The following ADGRB3 variants were observed in gnomAD, a reference collection of about 807,000 sequenced individuals.
ADGRB3 encodes the protein brain-specific angiogenesis inhibitor 3.
In ADGRB3, 37 loss-of-function variants were observed where a neutral mutation model predicts 193.4. The observed-to-expected ratio is 0.19, with a 90% CI of 0.15 to 0.25. The LOEUF (loss-of-function observed/expected upper bound fraction) is 0.25. Among genes scored for constraint, ADGRB3 ranks in the 10% least tolerant of loss-of-function variants. The pLI is 1.00. For missense variants in ADGRB3, 1,637 were observed against 1,852.9 expected (o/e 0.88, Z 2.14); for synonymous variants, 690 against 644.2 (o/e 1.07, Z -1.08).
intron 4 of ADGRB3, 57 bp from the exon 5 acceptor site, chr6:68,936,462 C>A: frequency 6.5e-7 from 1 of 1,537,666 alleles, no homozygotes; most frequent in Non-Finnish European, 8.9e-7. Context: ...TGGTATAATG[C>A]TTACTAGATG....
At chr6:68,669,759 C>G (rs145776585) in intron 3 of ADGRB3, among the ~76,000 whole-genome samples, 1,920 of 151,908 alleles carry the variant, frequency 0.013, 20 homozygotes, top group Middle Eastern at 0.034. Context: ...GCTGATATCT[C>G]TTCGATGTAT....
intron 3 of ADGRB3, among the ~76,000 whole-genome samples, chr6:68,671,449 G>A (rs962857041): frequency 6.6e-6 from 1 of 151,878 alleles, no homozygotes; most frequent in Non-Finnish European, 1.5e-5. Context: ...AGTTTTCTGA[G>A]GGTTTTTATC....
intron 20 of ADGRB3, among the ~76,000 whole-genome samples, chr6:69,306,643 T>C (rs770253293): frequency 1.2e-4 from 18 of 151,560 alleles, no homozygotes; most frequent in Admixed American, 3.3e-4. Flanking sequence ...TATTTCTGAC[T>C]ACAGGTCATA....
At chr6:68,971,194 G>T (rs1033083998) in intron 8 of ADGRB3, among the ~76,000 whole-genome samples, 11 of 152,290 alleles carry the variant, frequency 7.2e-5, no homozygotes, top group Admixed American at 5.2e-4. Context: ...AATGACGTCT[G>T]TATTGAACAT....
chr6:69,345,545 A>C (rs912235611), intron 26 of ADGRB3, among the ~76,000 whole-genome samples: 1 of 152,188 alleles, frequency 6.6e-6, no homozygotes, highest in African/African-American at 2.4e-5. Flanking sequence ...CCTTCGATAA[A>C]ATTCAAAACC....
chr6:68,900,396 G>T (rs1382803746), intron 3 of ADGRB3, among the ~76,000 whole-genome samples: 2 of 152,104 alleles, frequency 1.3e-5, no homozygotes, highest in African/African-American at 4.8e-5. Context: ...GGGGCTCATA[G>T]GGAACATGAC....
intron 17 of ADGRB3, among the ~76,000 whole-genome samples, chr6:69,142,671 C>T (rs946776906): frequency 1.3e-5 from 2 of 152,128 alleles, no homozygotes; most frequent in Non-Finnish European, 2.9e-5. Context: ...ATGGGCAACC[C>T]GCTGATTAGT....
At chr6:69,008,584 G>A (rs1443771760) in intron 11 of ADGRB3, among the ~76,000 whole-genome samples, 3 of 152,076 alleles carry the variant, frequency 2.0e-5, no homozygotes, top group Non-Finnish European at 2.9e-5. Flanking sequence ...AGCAGCACTT[G>A]TACTACCAAA....
Position 69,281,275 on chromosome 6 carries a change from T to A in ADGRB3, c.2814+42049T>A, listed in dbSNP as rs1203833557. On this transcript the variant is annotated intron_variant, in intron 20 of 31. Transcript: ENST00000370598. ...GTACAACAGGGATAGACTATCAGGCTCTTGCCCACATTTATTAGAAAATTT... is the reference window on the plus strand; with the variant it reads ...GTACAACAGGGATAGACTATCAGGCACTTGCCCACATTTATTAGAAAATTT... Among the ~76,000 whole-genome samples the A allele has an allele frequency of 2.0e-5, 3 of 152,212 alleles. No homozygotes were observed. In the East Asian group the frequency reaches 5.8e-4, roughly 29 times the overall value.
At chr6:69,343,756 C>T (rs1242702926) in intron 26 of ADGRB3, among the ~76,000 whole-genome samples, 1 of 152,028 alleles carries the variant, frequency 6.6e-6, no homozygotes, top group Middle Eastern at 3.4e-3. Context: ...AAAAAAGAAG[C>T]CATCTGATTC....
intron 13 of ADGRB3, among the ~76,000 whole-genome samples, chr6:69,028,335 TTTTG>T (rs995842179): frequency 2.0e-5 from 3 of 152,214 alleles, no homozygotes; most frequent in Non-Finnish European, 2.9e-5. Context: ...TTTTCGGTTT[TTTTG>T]TTTGTTTGTT....
chr6:68,770,908 A>C (rs953437189), intron 3 of ADGRB3, among the ~76,000 whole-genome samples: 1 of 152,084 alleles, frequency 6.6e-6, no homozygotes, highest in Admixed American at 6.6e-5. Context: ...TTCAGAAAAT[A>C]TTTATGAGTT....
At chr6:69,231,278 A>G (rs1463761923) in intron 17 of ADGRB3, among the ~76,000 whole-genome samples, 1 of 152,230 alleles carries the variant, frequency 6.6e-6, no homozygotes, top group Non-Finnish European at 1.5e-5. Flanking sequence ...GTCTGATTAC[A>G]TGGATATAAG....
intron 17 of ADGRB3, among the ~76,000 whole-genome samples, chr6:69,140,435 A>G (rs560632481): frequency 4.6e-5 from 7 of 152,202 alleles, no homozygotes; most frequent in African/African-American, 1.7e-4. Context: ...CTAAAAATTA[A>G]AACAATTGAA....
At chr6:69,382,366 G>A (rs185029795) in intron 30 of ADGRB3, among the ~76,000 whole-genome samples, 1 of 151,884 alleles carries the variant, frequency 6.6e-6, no homozygotes, top group Admixed American at 6.6e-5. Flanking sequence ...GCAGGGCTTG[G>A]GATTTTGTTC....
chr6:69,264,265 A>G (rs1258690691), intron 20 of ADGRB3, among the ~76,000 whole-genome samples: 2 of 151,952 alleles, frequency 1.3e-5, no homozygotes, highest in Admixed American at 1.3e-4. Flanking sequence ...TCTACAGACT[A>G]AGGAGATTTA....
intron 3 of ADGRB3, among the ~76,000 whole-genome samples, chr6:68,844,283 A>G (rs1308024044): frequency 6.6e-6 from 1 of 152,178 alleles, no homozygotes; most frequent in African/African-American, 2.4e-5. Flanking sequence ...CCATCTCACA[A>G]ATGATTAATA....
intron 17 of ADGRB3, among the ~76,000 whole-genome samples, chr6:69,100,285 CT>C (rs1422592389): frequency 5.9e-5 from 9 of 151,974 alleles, no homozygotes; most frequent in African/African-American, 9.7e-5. Flanking sequence ...TTGGTTTTGA[CT>C]TTTTTCCCCT....
intron 10 of ADGRB3, 138 bp from the exon 11 acceptor site, chr6:68,993,628 TAC>T: frequency 1.2e-6 from 1 of 834,072 alleles, no homozygotes; most frequent in South Asian, 1.7e-5. Flanking sequence ...ACACACAATT[TAC>T]AGTTTTCAAA....
Sources: gnomAD v4.1 joint callset for allele counts (sites outside exome capture counted in the v4.1 genomes callset) on GRCh38, gnomAD v4.1.1 for gene constraint, MANE v1.5 for transcripts, NCBI Gene and HGNC (gene_info 2026-07-23, HGNC 2026-07-21) for gene names.